CDC42BPA: variants seen among roughly 807,000 people sequenced by gnomAD.
The protein encoded by CDC42BPA is serine/threonine-protein kinase MRCK alpha.
In CDC42BPA, 80 loss-of-function variants were observed where a neutral mutation model predicts 223.5. The observed-to-expected ratio is 0.36, with a 90% CI of 0.30 to 0.43. CDC42BPA has a LOEUF of 0.43. CDC42BPA is among the 20% of genes least tolerant of loss of function. The pLI, the probability that CDC42BPA is intolerant of heterozygous loss-of-function variation, is 1.00. For missense variants in CDC42BPA, 1,743 were observed against 2,099.9 expected, an observed-to-expected ratio of 0.83 and a Z score of 3.32; for synonymous variants, 694 against 718.6, an observed-to-expected ratio of 0.97 and a Z score of 0.55.
At chr1:227,237,683 T>C (rs1296495599) in intron 2 of CDC42BPA, among the ~76,000 whole-genome samples, 1 of 152,094 alleles carries the variant, frequency 6.6e-6, no homozygotes, top group Admixed American at 6.5e-5. Flanking sequence ...TATGTAAGAG[T>C]TTTAACTTGT....
At chr1:227,216,615 T>C (rs1051097205) in intron 2 of CDC42BPA, among the ~76,000 whole-genome samples, 3 of 152,186 alleles carry the variant, frequency 2.0e-5, no homozygotes, top group Non-Finnish European at 4.4e-5. Context: ...ACACTGCAAG[T>C]CATACTGATA....
At chr1:227,243,756 T>TCACACACACA (rs5781477) in intron 2 of CDC42BPA, among the ~76,000 whole-genome samples, 12 of 146,666 alleles carry the variant, frequency 8.2e-5, no homozygotes, top group East Asian at 2.0e-4. Context: ...AAAAGATTTG[T>TCACACACACA]CACACACACA....
intron 14 of CDC42BPA, among the ~76,000 whole-genome samples, chr1:227,105,058 T>A (rs1275176971): frequency 6.6e-6 from 1 of 152,174 alleles, no homozygotes; most frequent in Non-Finnish European, 1.5e-5. Flanking sequence ...TCACATATCA[T>A]ACAAATCACT....
intron 2 of CDC42BPA, among the ~76,000 whole-genome samples, chr1:227,220,299 TATATATATATATACACACAC>T (rs771987271): frequency 6.2e-5 from 8 of 128,514 alleles, no homozygotes; most frequent in Admixed American, 3.4e-4. Context: ...TATATATATA[TATATATATATATACACACAC>T]ACACACACAT....
At chr1:227,307,449 ACT>A (rs1264381216) in intron 1 of CDC42BPA, among the ~76,000 whole-genome samples, 2 of 152,048 alleles carry the variant, frequency 1.3e-5, no homozygotes, top group Non-Finnish European at 2.9e-5. Context: ...CATTTCCCAA[ACT>A]CTGTCAGCTG....
chr1:227,130,652 T>G (rs1267978801), intron 10 of CDC42BPA, among the ~76,000 whole-genome samples: 1 of 152,020 alleles, frequency 6.6e-6, no homozygotes, highest in Non-Finnish European at 1.5e-5. Flanking sequence ...GTTGGGAGTT[T>G]GAGATCAGCC....
intron 2 of CDC42BPA, among the ~76,000 whole-genome samples, chr1:227,253,498 A>C (rs1403324961): frequency 6.6e-6 from 1 of 151,844 alleles, no homozygotes; most frequent in Non-Finnish European, 1.5e-5. Context: ...CGGGAGGCTG[A>C]AGCAGGAGAA....
chr1:227,260,410 A>G (rs554038611), intron 1 of CDC42BPA, among the ~76,000 whole-genome samples: 1 of 151,076 alleles, frequency 6.6e-6, no homozygotes, highest in Non-Finnish European at 1.5e-5. Context: ...CTTGCAAGGT[A>G]CATCTTTCTC....
At chr1:226,999,925 A>T (rs1230244424) in intron 35 of CDC42BPA, among the ~76,000 whole-genome samples, 2 of 148,088 alleles carry the variant, frequency 1.4e-5, no homozygotes, top group Non-Finnish European at 3.0e-5. Context: ...CAGGGAGGGG[A>T]ATATCACACA....
chr1:227,125,003 A>T (rs1689299733), intron 11 of CDC42BPA, among the ~76,000 whole-genome samples: 1 of 152,132 alleles, frequency 6.6e-6, no homozygotes, highest in South Asian at 2.1e-4. Context: ...CATAACGGTG[A>T]GTTTTCTGGG....
At chr1:227,188,693 G>A (rs1049959883) in intron 5 of CDC42BPA, among the ~76,000 whole-genome samples, 3 of 152,154 alleles carry the variant, frequency 2.0e-5, no homozygotes, top group African/African-American at 7.2e-5. Context: ...AGGGGTTAGC[G>A]GGAAGGGAGG....
At chr1:227,070,371 A>G (rs1233607258) in intron 20 of CDC42BPA, among the ~76,000 whole-genome samples, 2 of 151,110 alleles carry the variant, frequency 1.3e-5, no homozygotes, top group African/African-American at 4.8e-5. Context: ...GAAGACTCCA[A>G]ACCCCAGTTT....
rs988111271 is a variant in CDC42BPA at position 227,012,746 on chromosome 1, C to T, written c.4857+3334G>A. Among the ~76,000 whole-genome samples, 8 of 152,058 alleles carry T rather than the reference C, an allele frequency of 5.3e-5. No individual in the cohort carries two copies. The East Asian group carries it at 1.5e-3, about 29-fold the overall frequency. ...TTTTATGAGACAGTTTGTAATAATT[C>T]CATTTCAATGGAAAGAACATATTAA... On this transcript the variant is annotated intron_variant, in intron 34 of 36. Transcript: ENST00000366766.
At chr1:227,057,040 G>C (rs1020971139) in intron 21 of CDC42BPA, among the ~76,000 whole-genome samples, 1 of 152,012 alleles carries the variant, frequency 6.6e-6, no homozygotes, top group African/African-American at 2.4e-5. Flanking sequence ...ATCTAGTCTG[G>C]AGAATTTACA....
intron 13 of CDC42BPA, 34 bp downstream of exon 13, chr1:227,112,637 C>G (rs1687120894): frequency 3.7e-6 from 6 of 1,606,652 alleles, no homozygotes; most frequent in African/African-American, 1.3e-5. Flanking sequence ...AATCACTATC[C>G]CATGGGCACT....
chr1:227,177,038 T>C (rs187260147), intron 5 of CDC42BPA, among the ~76,000 whole-genome samples: 2,084 of 151,864 alleles, frequency 0.014, 27 homozygotes, highest in Non-Finnish European at 0.02. Context: ...CCTCTCTCGA[T>C]TATCTCATAG....
intron 5 of CDC42BPA, among the ~76,000 whole-genome samples, chr1:227,171,191 T>C (rs1035932299): frequency 3.9e-5 from 6 of 152,230 alleles, no homozygotes; most frequent in African/African-American, 1.4e-4. Context: ...TTTCCATAAT[T>C]TGAATATTAG....
chr1:227,170,020 C>G (rs1366402222), intron 5 of CDC42BPA, among the ~76,000 whole-genome samples: 1 of 152,126 alleles, frequency 6.6e-6, no homozygotes, highest in Admixed American at 6.5e-5. Context: ...AATAATATCT[C>G]TCACTCCACA....
chr1:227,265,410 A>G (rs1684818292), intron 1 of CDC42BPA, among the ~76,000 whole-genome samples: 2 of 152,136 alleles, frequency 1.3e-5, no homozygotes, highest in Non-Finnish European at 2.9e-5. Flanking sequence ...GGCATAAAAA[A>G]AAGTTTCAAA....
Sources: allele counts gnomAD v4.1 joint callset (sites outside exome capture counted in the v4.1 genomes callset), GRCh38; gene constraint gnomAD v4.1.1; transcripts MANE v1.5; gene names NCBI Gene and HGNC (gene_info 2026-07-23, HGNC 2026-07-21).